Variants in PTPRD observed in about 807,000 individuals in gnomAD.
The protein encoded by PTPRD is protein tyrosine phosphatase receptor type D.
In PTPRD, 34 loss-of-function variants were observed where a neutral mutation model predicts 214.5. The ratio of observed to expected loss-of-function variants is 0.16; its 90% CI spans 0.12 to 0.21. The LOEUF is 0.21. Among genes scored for constraint, PTPRD ranks in the 10% least tolerant of loss-of-function variants. The pLI is 1.00. For synonymous variants in PTPRD, 1,128 were observed against 845.7 expected (o/e 1.33, Z -5.79); for missense variants, 2,545 against 2,398.7 (o/e 1.06, Z -1.27).
intron 11 of PTPRD, among the ~76,000 whole-genome samples, chr9:8,749,779 G>A (rs993178726): frequency 6.6e-6 from 1 of 152,084 alleles, no homozygotes; most frequent in African/African-American, 2.4e-5. Context: ...AAGGTGATAG[G>A]GACAAGAGAC....
intron 3 of PTPRD, among the ~76,000 whole-genome samples, chr9:10,267,514 T>C (rs2094149442): frequency 6.6e-6 from 1 of 152,146 alleles, no homozygotes; most frequent in African/African-American, 2.4e-5. Context: ...TGACACCTAC[T>C]AGCAAGATAT....
intron 2 of PTPRD, among the ~76,000 whole-genome samples, chr9:10,479,658 T>TACATAAACAAAC (rs1555402920): frequency 6.9e-5 from 10 of 145,812 alleles, no homozygotes; most frequent in South Asian, 6.6e-4. Context: ...AATAAATAAA[T>TACATAAACAAAC]AAACAAAAAT....
intron 5 of PTPRD, among the ~76,000 whole-genome samples, chr9:9,858,421 T>A (rs1386835724): frequency 6.6e-6 from 1 of 152,244 alleles, no homozygotes; most frequent in Non-Finnish European, 1.5e-5. Context: ...GCATAATGAC[T>A]GTTCTAGTTA....
At chr9:8,768,821 AC>A (rs1444860086) in intron 11 of PTPRD, among the ~76,000 whole-genome samples, 2 of 152,202 alleles carry the variant, frequency 1.3e-5, no homozygotes, top group African/African-American at 4.8e-5. Flanking sequence ...AAATGAAGTA[AC>A]CTAGCTCTTC....
intron 5 of PTPRD, among the ~76,000 whole-genome samples, chr9:9,894,143 A>G (rs115660378): frequency 6.6e-6 from 1 of 151,918 alleles, no homozygotes; most frequent in Non-Finnish European, 1.5e-5. Context: ...TGTCACATGA[A>G]CACCTCTATA....
In PTPRD at chr9:8,485,805, T is replaced by C. The variant is rs1471741107; in HGVS notation, c.3012A>G (p.Pro1004=). Residue 1004 remains proline, a synonymous_variant, in exon 28 of 46, where the codon CCA becomes CCG. Coordinates refer to ENST00000381196, the MANE Select transcript of PTPRD (RefSeq NM_002839.4). ...VRAHTSKGPG[P]YSPSVQFRTL... is the part of the protein sequence containing the mutation. The stretch of plus-strand genomic sequence containing the variant: ...TCCTGAACTGGACACTGGGACTATA[T>C]GGCCCGGGCCCTTTGCTCGTATGAG... The C allele has an allele frequency of 2.5e-6, 4 of 1,613,874 alleles. No homozygotes were observed. The highest frequency in any genetic ancestry group is 3.3e-5 in the Admixed American group (2 of 60,014).
intron 4 of PTPRD, among the ~76,000 whole-genome samples, chr9:9,984,210 T>C (rs2095634157): frequency 6.6e-6 from 1 of 152,172 alleles, no homozygotes; most frequent in Non-Finnish European, 1.5e-5. Flanking sequence ...AGTCTGAGTC[T>C]GATCATGAGA....
At chr9:9,520,135 T>C (rs987501704) in intron 8 of PTPRD, among the ~76,000 whole-genome samples, 3 of 142,312 alleles carry the variant, frequency 2.1e-5, no homozygotes, top group Admixed American at 1.4e-4. Context: ...AAAAGTGTTC[T>C]CACCTCAATC....
chr9:9,279,194 G>A (rs1313149316), intron 9 of PTPRD, among the ~76,000 whole-genome samples: 1 of 150,374 alleles, frequency 6.7e-6, no homozygotes, highest in Admixed American at 6.7e-5. Flanking sequence ...ATATATGTAT[G>A]TGTATATGAT....
chr9:9,991,384 G>A (rs976118556), intron 4 of PTPRD, among the ~76,000 whole-genome samples: 1 of 148,972 alleles, frequency 6.7e-6, no homozygotes, highest in Non-Finnish European at 1.5e-5. Flanking sequence ...TTTTTGAAAT[G>A]GAGTTTTGTT....
At chr9:8,563,436 C>CTT (rs1036473887) in intron 14 of PTPRD, among the ~76,000 whole-genome samples, 2,798 of 130,556 alleles carry the variant, frequency 0.021, 98 homozygotes, top group East Asian at 0.094. Flanking sequence ...TTGATGTAGA[C>CTT]TTTTTTTTTT....
chr9:8,628,762 G>T (rs887658302), intron 14 of PTPRD, among the ~76,000 whole-genome samples: 2 of 151,812 alleles, frequency 1.3e-5, no homozygotes, highest in African/African-American at 4.8e-5. Flanking sequence ...TCCTAATGGT[G>T]ATCATTCACA....
rs966637591 is a variant in PTPRD, at chr9:9,734,525, T to C, written c.-287+8A>G. Reference sequence around the variant, plus strand: ...AGACTGAGAGTCCCAAAGAAAAAAATATCTCACCAGATTTTTGAAGTTACC... The same window carrying C: ...AGACTGAGAGTCCCAAAGAAAAAAACATCTCACCAGATTTTTGAAGTTACC... On this transcript the variant is annotated splice_region_variant and intron_variant, in intron 7 of 45. Coordinates refer to ENST00000381196, the MANE Select transcript of PTPRD (RefSeq NM_002839.4). The C allele has an allele frequency of 6.6e-6, 1 of 151,582 alleles. No individual in the cohort carries two copies. The highest frequency in any genetic ancestry group is 2.4e-5 in the African/African-American group (1 of 41,276). 9.4% of individuals were successfully genotyped at this position (151,582 alleles called of 1,614,324 possible). A position where few individuals can be genotyped will look rare whatever the true frequency, so the allele number is the denominator to read the frequency against.
chr9:9,649,488 GAGAA>G (rs1181309322), intron 7 of PTPRD, among the ~76,000 whole-genome samples: 28 of 152,140 alleles, frequency 1.8e-4, no homozygotes, highest in Non-Finnish European at 3.4e-4. Context: ...ATCTTAAAAT[GAGAA>G]AGAGTCTTCT....
At chr9:8,660,610 T>C (rs754636131) in intron 12 of PTPRD, among the ~76,000 whole-genome samples, 28 of 152,260 alleles carry the variant, frequency 1.8e-4, no homozygotes, top group Non-Finnish European at 4.0e-4. Flanking sequence ...CTTTTGACCC[T>C]GGCAGACTGC....
chr9:9,551,779 A>T (rs1591409014), intron 8 of PTPRD, among the ~76,000 whole-genome samples: 1 of 152,024 alleles, frequency 6.6e-6, no homozygotes, highest in Non-Finnish European at 1.5e-5. Flanking sequence ...ATTGTACCAG[A>T]GTAAGGGACA....
chr9:9,323,708 A>T (rs1194526053), intron 9 of PTPRD, among the ~76,000 whole-genome samples: 1 of 152,046 alleles, frequency 6.6e-6, no homozygotes, highest in African/African-American at 2.4e-5. Context: ...TATTTTTATT[A>T]TACTTTAAGT....
intron 4 of PTPRD, among the ~76,000 whole-genome samples, chr9:10,005,087 T>A (rs1412672759): frequency 6.6e-6 from 1 of 152,152 alleles, no homozygotes; most frequent in Non-Finnish European, 1.5e-5. Context: ...ACGTGGACAC[T>A]ATTTCCTATA....
intron 2 of PTPRD, among the ~76,000 whole-genome samples, chr9:10,362,493 T>A (rs370974595): frequency 6.6e-6 from 1 of 152,116 alleles, no homozygotes; most frequent in Non-Finnish European, 1.5e-5. Flanking sequence ...AAAAATTCAA[T>A]GTCTAGAGAA....
Sources: allele counts gnomAD v4.1 joint callset (sites outside exome capture counted in the v4.1 genomes callset), GRCh38; gene constraint gnomAD v4.1.1; transcripts MANE v1.5; gene names NCBI Gene and HGNC (gene_info 2026-07-23, HGNC 2026-07-21).